CNTNAP2: variants seen among roughly 807,000 people sequenced by gnomAD.
CNTNAP2 encodes the protein contactin associated protein 2.
Under a neutral mutation model 155.2 loss-of-function variants are expected in CNTNAP2, and 98 were observed. The observed-to-expected ratio is 0.63, with a 90% CI of 0.54 to 0.75. The LOEUF is 0.75. CNTNAP2 is among the 30% of genes least tolerant of loss of function. CNTNAP2 has a pLI of 0.00. For missense variants in CNTNAP2, 1,727 were observed against 1,688.1 expected, an observed-to-expected ratio of 1.02 and a Z score of -0.40; for synonymous variants, 651 against 631.2, an observed-to-expected ratio of 1.03 and a Z score of -0.47.
intron 1 of CNTNAP2, among the ~76,000 whole-genome samples, chr7:146,274,012 T>C (rs530595955): frequency 6.6e-6 from 1 of 152,300 alleles, no homozygotes; most frequent in South Asian, 2.1e-4. Flanking sequence ...TATGTGTATA[T>C]ATACACATAC....
intron 14 of CNTNAP2, among the ~76,000 whole-genome samples, chr7:147,944,218 A>T (rs1052352991): frequency 1.2e-4 from 18 of 152,176 alleles, no homozygotes; most frequent in African/African-American, 4.3e-4. Context: ...TAAGAACTTT[A>T]TTTTTAACAA....
chr7:146,947,406 CTCTCTATATATA>C (rs1797200785), intron 3 of CNTNAP2, among the ~76,000 whole-genome samples: 1 of 131,996 alleles, frequency 7.6e-6, no homozygotes, highest in African/African-American at 3.0e-5. Context: ...CTCTCTCTCT[CTCTCTATATATA>C]TATATATATA....
At chr7:146,612,866 A>G (rs953554235) in intron 1 of CNTNAP2, among the ~76,000 whole-genome samples, 3 of 150,600 alleles carry the variant, frequency 2.0e-5, no homozygotes, top group Non-Finnish European at 4.4e-5. Context: ...AAACTACTAT[A>G]TGATCTTGTT....
rs866694991 is a variant in CNTNAP2 at position 147,903,636 on chromosome 7, G to A, written c.2170G>A (p.Gly724Arg). Reference sequence around the variant, plus strand: ...CTACTACTGGGGAGGCTCTGGGCCTGGAATCCAGAAATGTGCCTGCGGCAT... The same window carrying A: ...CTACTACTGGGGAGGCTCTGGGCCTAGAATCCAGAAATGTGCCTGCGGCAT... ...KHYYWGGSGP[G>R]IQKCACGIER... is the part of the protein sequence containing the mutation. Residue 724 changes from glycine to arginine, a missense_variant, in exon 14 of 24, where the codon GGA (glycine) becomes AGA (arginine). Transcript: ENST00000361727. 1 of 1,614,118 alleles carries A rather than the reference G, an allele frequency of 6.2e-7. No homozygotes were observed. Among genetic ancestry groups the A allele is most frequent in the Non-Finnish European group, 8.5e-7 (1 of 1,180,008 alleles).
At chr7:146,813,759 T>A (rs900367879) in intron 2 of CNTNAP2, among the ~76,000 whole-genome samples, 2 of 152,096 alleles carry the variant, frequency 1.3e-5, no homozygotes, top group African/African-American at 4.8e-5. Context: ...TGGCTCTGTC[T>A]CCACCCAAAT....
chr7:147,459,106 C>G (rs994042364), intron 10 of CNTNAP2, among the ~76,000 whole-genome samples: 1 of 152,228 alleles, frequency 6.6e-6, no homozygotes. Context: ...ATGGTAGCCT[C>G]TAGCCACACA....
intron 3 of CNTNAP2, among the ~76,000 whole-genome samples, chr7:146,942,431 G>A (rs1797074925): frequency 6.6e-6 from 1 of 152,090 alleles, no homozygotes; most frequent in Admixed American, 6.5e-5. Context: ...AATGAAAGAA[G>A]ATTGGGAAAA....
At chr7:146,574,691 C>T (rs1055566270) in intron 1 of CNTNAP2, among the ~76,000 whole-genome samples, 1 of 152,106 alleles carries the variant, frequency 6.6e-6, no homozygotes. Context: ...CAGAGCGAGA[C>T]TCCATCTCAA....
At position 148,024,173 on chromosome 7, in the gene CNTNAP2, A is replaced by AAAAAAAAAAAAAAAAAAAAC. The variant is rs796940228; in HGVS notation, c.2383+46190_2383+46191insAAAAAAAAAAAAACAAAAAA. Among the ~76,000 whole-genome samples the AAAAAAAAAAAAAAAAAAAAC allele has an allele frequency of 2.6e-4, 39 of 147,954 alleles. 2 individuals are homozygous for AAAAAAAAAAAAAAAAAAAAC. In the East Asian group the frequency reaches 4.1e-3, roughly 15 times the overall value. ...TTTAAAGTGTAAAAAAAAAAAAAAA[A>AAAAAAAAAAAAAAAAAAAAC]AAAAAACTTTATAACATCCTGAGAA... is the stretch of plus-strand genomic sequence containing the variant. On this transcript the variant is annotated intron_variant, in intron 15 of 23. Transcript: ENST00000361727.
intron 1 of CNTNAP2, among the ~76,000 whole-genome samples, chr7:146,331,579 G>C (rs1343010560): frequency 1.3e-5 from 2 of 152,044 alleles, no homozygotes; most frequent in Admixed American, 1.3e-4. Flanking sequence ...GTTTGTTGTG[G>C]GATGGTGGGT....
chr7:147,314,200 A>G (rs1481315813), intron 9 of CNTNAP2, among the ~76,000 whole-genome samples: 5 of 152,032 alleles, frequency 3.3e-5, no homozygotes, highest in Non-Finnish European at 5.9e-5. Flanking sequence ...CTAATGGGAA[A>G]ATTTGAAGTG....
At chr7:147,048,467 C>G (rs1799410606) in intron 4 of CNTNAP2, among the ~76,000 whole-genome samples, 4 of 152,074 alleles carry the variant, frequency 2.6e-5, no homozygotes, top group African/African-American at 9.7e-5. Flanking sequence ...GAACAAATTT[C>G]TGTTATTTTA....
chr7:147,664,758 C>G (rs1378363371), intron 13 of CNTNAP2, among the ~76,000 whole-genome samples: 1 of 152,112 alleles, frequency 6.6e-6, no homozygotes, highest in East Asian at 1.9e-4. Flanking sequence ...ATGGTCTGGC[C>G]CTGCCTGTAT....
At chr7:146,370,205 T>A (rs1277496468) in intron 1 of CNTNAP2, among the ~76,000 whole-genome samples, 2 of 147,748 alleles carry the variant, frequency 1.4e-5, no homozygotes, top group Non-Finnish European at 3.0e-5. Flanking sequence ...GTGGATCACT[T>A]GAGGTCAGGA....
chr7:147,664,829 T>G (rs576181812), intron 13 of CNTNAP2, among the ~76,000 whole-genome samples: 79 of 152,272 alleles, frequency 5.2e-4, no homozygotes, highest in Middle Eastern at 6.8e-3. Flanking sequence ...ACAGGGAATC[T>G]AATCTAGTTT....
Position 146,535,244 on chromosome 7 carries a change from C to CATATATATTATATCATATATA in CNTNAP2, c.98-239019_98-239018insTATATCATATATAATATATAT, listed in dbSNP as rs1319976416. 5.4e-4 allele frequency among the ~76,000 whole-genome samples: 19 copies of CATATATATTATATCATATATA among 35,274 alleles called. 6 individuals are homozygous for CATATATATTATATCATATATA. The highest frequency in any genetic ancestry group is 4.7e-3 in the African/African-American group (17 of 3,580). The allele number at this position is 35,274 out of a possible 152,430, so 23.1% of individuals were successfully genotyped here. On this transcript the variant is annotated intron_variant, in intron 1 of 23. Transcript: ENST00000361727. ...ATATCATATATATTATATCATATAT[C>CATATATATTATATCATATATA]ATATATATGATATTATATCATATAT...
At chr7:148,095,535 T>C (rs1803946921) in intron 15 of CNTNAP2, among the ~76,000 whole-genome samples, 1 of 152,228 alleles carries the variant, frequency 6.6e-6, no homozygotes, top group Non-Finnish European at 1.5e-5. Context: ...CAGAGGCAGC[T>C]GAGATCCTAA....
chr7:147,621,616 C>G (rs1002862956), intron 12 of CNTNAP2, among the ~76,000 whole-genome samples: 1 of 151,566 alleles, frequency 6.6e-6, no homozygotes, highest in African/African-American at 2.4e-5. Context: ...CCCATGGTAA[C>G]CACAAACCAA....
intron 19 of CNTNAP2, among the ~76,000 whole-genome samples, chr7:148,224,284 T>C (rs184835573): frequency 7.3e-5 from 11 of 151,176 alleles, no homozygotes; most frequent in Non-Finnish European, 1.5e-4. Flanking sequence ...ATCATCTCCG[T>C]CATTCCCAAA....
Sources: gnomAD v4.1 joint callset for allele counts (sites outside exome capture counted in the v4.1 genomes callset) on GRCh38, gnomAD v4.1.1 for gene constraint, MANE v1.5 for transcripts, NCBI Gene and HGNC (gene_info 2026-07-23, HGNC 2026-07-21) for gene names.